Variants in LRRIQ1 observed in about 807,000 individuals in gnomAD.
LRRIQ1 encodes leucine-rich repeat- and IQ domain-containing protein 1.
LRRIQ1 carries 210 observed loss-of-function variants against 211.9 expected under a neutral mutation model. The ratio of observed to expected loss-of-function variants is 0.99; its 90% CI spans 0.89 to 1.11. The LOEUF (loss-of-function observed/expected upper bound fraction) is 1.11. LRRIQ1 is among the 50% of genes most tolerant of loss of function. LRRIQ1 has a pLI of 0.00. For missense variants in LRRIQ1, 2,136 were observed against 1,939.5 expected (o/e 1.10, Z -1.90); for synonymous variants, 699 against 650.1 (o/e 1.08, Z -1.14).
intron 8 of LRRIQ1, among the ~76,000 whole-genome samples, chr12:85,059,679 G>A (rs1881552657): frequency 6.6e-6 from 1 of 151,912 alleles, no homozygotes; most frequent in African/African-American, 2.4e-5. Context: ...ATTATAGGAT[G>A]GATGAGTGGG....
chr12:85,098,424 G>T lies in LRRIQ1; in HGVS notation c.2957G>T (p.Gly986Val). The part of the protein sequence containing the change: ...LDHNQLINTK[G>V]LCDTPTIVYL... ...CACAATCAGTTAATTAATACAAAAG[G>T]TCTTTGTGATACACCTACCATTGTA... The change falls in exon 12 of 27, where the codon GGT becomes GTT. Residue 986 changes from glycine to valine, a missense_variant. By Grantham distance (109) the Gly-to-Val change is moderately radical. Coordinates refer to ENST00000393217, the MANE Select transcript of LRRIQ1 (RefSeq NM_001079910.2). 1 of 1,610,234 alleles carries T rather than the reference G, an allele frequency of 6.2e-7. No homozygotes were observed. The highest frequency in any genetic ancestry group is 1.1e-5 in the South Asian group (1 of 90,886).
intron 15 of LRRIQ1, among the ~76,000 whole-genome samples, chr12:85,115,869 A>C (rs1464378978): frequency 6.6e-6 from 1 of 152,036 alleles, no homozygotes. Flanking sequence ...TTATCTGTTC[A>C]TTTTTCTGAT....
rs564808935 is a variant in LRRIQ1 at position 85,050,635 on chromosome 12, T to C, written c.679-1542T>C. On this transcript the variant is annotated intron_variant, in intron 6 of 26. Coordinates refer to ENST00000393217, the MANE Select transcript of LRRIQ1 (RefSeq NM_001079910.2). ...TCTTCGCATCCATGTACTTTACAGC[T>C]CCTTTGTAGTTCAAGCTGCCTGAGG... 1.3e-5 allele frequency among the ~76,000 whole-genome samples: 2 copies of C among 152,302 alleles called. 1 individual carries two copies. The highest frequency in any genetic ancestry group is 4.8e-5 in the African/African-American group (2 of 41,560).
At chr12:85,124,640 G>A (rs1888239988) in intron 17 of LRRIQ1, 121 bp downstream of exon 17, 6 of 761,818 alleles carry the variant, frequency 7.9e-6, no homozygotes, top group South Asian at 7.0e-5. Context: ...ATTTCATACC[G>A]ATTCCATTAT....
rs1393154884 is a variant in LRRIQ1, at chr12:85,098,383, A to G, written c.2916A>G (p.Gln972=). The G allele has an allele frequency of 1.9e-6, 3 of 1,608,964 alleles. No individual in the cohort carries two copies. The highest frequency in any genetic ancestry group is 2.5e-6 in the Non-Finnish European group (3 of 1,177,478). Residue 972 remains glutamine (Q), a synonymous_variant, in exon 12 of 27, where the codon CAA becomes CAG. Coordinates refer to ENST00000393217, the MANE Select transcript of LRRIQ1 (RefSeq NM_001079910.2). ...NCGLESLKNL[Q]QLILDHNQLI... ...GTTTAGAATCTTTGAAAAATCTTCA[A>G]CAACTAATTTTGGACCACAATCAGT...
intron 23 of LRRIQ1, among the ~76,000 whole-genome samples, chr12:85,158,516 G>T (rs1263856649): frequency 6.6e-6 from 1 of 151,866 alleles, no homozygotes; most frequent in African/African-American, 2.4e-5. Flanking sequence ...TATAGAAGTT[G>T]AAAAGGGATT....
intron 26 of LRRIQ1, among the ~76,000 whole-genome samples, chr12:85,239,695 A>T (rs1020889234): frequency 6.6e-6 from 1 of 151,664 alleles, no homozygotes; most frequent in Non-Finnish European, 1.5e-5. Context: ...CCTATTGAAG[A>T]GGCCTGGCAT....
intron 18 of LRRIQ1, among the ~76,000 whole-genome samples, chr12:85,133,941 A>G (rs1023708278): frequency 1.3e-5 from 2 of 152,130 alleles, no homozygotes; most frequent in Admixed American, 6.6e-5. Context: ...AAGCTTGTAA[A>G]TTCCAACACA....
At chr12:85,098,574 C>A (rs985057277) in intron 12 of LRRIQ1, 26 bp downstream of exon 12, 2 of 1,541,188 alleles carry the variant, frequency 1.3e-6, no homozygotes, top group Non-Finnish European at 1.8e-6. Flanking sequence ...TAATTGATTT[C>A]TGTGATAAAG....
chr12:85,135,369 A>G (rs1889051254), intron 18 of LRRIQ1, among the ~76,000 whole-genome samples: 1 of 151,670 alleles, frequency 6.6e-6, no homozygotes, highest in Non-Finnish European at 1.5e-5. Context: ...CAAAAATGAG[A>G]TACATAGTAT....
intron 24 of LRRIQ1, among the ~76,000 whole-genome samples, chr12:85,197,282 G>T (rs992348174): frequency 2.0e-5 from 3 of 151,262 alleles, no homozygotes; most frequent in South Asian, 2.1e-4. Context: ...ATTCCTCAGG[G>T]ATCTAGAACT....
At position 85,210,453 on chromosome 12, in the gene LRRIQ1, A is replaced by G. The variant is rs138853192; in HGVS notation, c.4823-19064A>G. ...TAGAATTTGTTGGACTTGTTTTTCC[A>G]TTTTTGTTTTCTCTTTTTAAACTAA... On this transcript the variant is annotated intron_variant, in intron 24 of 26. Coordinates refer to ENST00000393217, the MANE Select transcript of LRRIQ1 (RefSeq NM_001079910.2). 3.7e-4 allele frequency among the ~76,000 whole-genome samples: 57 copies of G among 152,236 alleles called. No homozygotes were observed. In the East Asian group the frequency reaches 0.01, roughly 27 times the overall value.
intron 26 of LRRIQ1, 137 bp downstream of exon 26, chr12:85,232,893 G>C: frequency 1.7e-6 from 1 of 596,034 alleles, no homozygotes. Context: ...AAAATATCAT[G>C]TGTTAAAATA....
intron 24 of LRRIQ1, among the ~76,000 whole-genome samples, chr12:85,212,789 G>GAGAGAGAGAGAA (rs1161839673): frequency 1.3e-5 from 2 of 149,112 alleles, no homozygotes; most frequent in African/African-American, 2.4e-5. Flanking sequence ...TATATATATA[G>GAGAGAGAGAGAA]AGAGAGAGAG....
chr12:85,108,074 A>G (rs1026723356), intron 15 of LRRIQ1, among the ~76,000 whole-genome samples: 1 of 151,998 alleles, frequency 6.6e-6, no homozygotes, highest in Non-Finnish European at 1.5e-5. Context: ...GCTTCATTGC[A>G]TGCCTGGTCA....
intron 1 of LRRIQ1, among the ~76,000 whole-genome samples, chr12:85,260,566 C>T (rs903590540): frequency 2.6e-5 from 4 of 152,000 alleles, no homozygotes; most frequent in Non-Finnish European, 1.5e-5. Flanking sequence ...ATAAATATAT[C>T]AAAATTGTAA....
chr12:85,104,463 C>A (rs1215061615), intron 14 of LRRIQ1, among the ~76,000 whole-genome samples: 1 of 151,780 alleles, frequency 6.6e-6, no homozygotes, highest in East Asian at 1.9e-4. Context: ...TTCCTCATTC[C>A]CAGTCCCAGT....
intron 8 of LRRIQ1, among the ~76,000 whole-genome samples, chr12:85,060,949 G>T (rs765298948): frequency 6.6e-6 from 1 of 151,752 alleles, no homozygotes; most frequent in African/African-American, 2.4e-5. Context: ...AATTGATTTG[G>T]AATCTGTTAT....
intron 24 of LRRIQ1, among the ~76,000 whole-genome samples, chr12:85,170,353 A>T (rs1383486518): frequency 6.6e-6 from 1 of 151,354 alleles, no homozygotes; most frequent in African/African-American, 2.4e-5. Flanking sequence ...AGGAAATAAA[A>T]TGAAGATATT....
Sources: allele counts gnomAD v4.1 joint callset (sites outside exome capture counted in the v4.1 genomes callset), GRCh38; gene constraint gnomAD v4.1.1; transcripts MANE v1.5; gene names NCBI Gene and HGNC (gene_info 2026-07-23, HGNC 2026-07-21).